CSMD1: variants seen among roughly 807,000 people sequenced by gnomAD.
CSMD1 encodes the protein CUB and Sushi multiple domains 1, also known as CUB and sushi domain-containing protein 1.
A neutral mutation model predicts 417.5 loss-of-function variants in CSMD1; 213 were observed. The observed-to-expected ratio is 0.51, with a 90% CI of 0.46 to 0.57. The LOEUF (loss-of-function observed/expected upper bound fraction) is 0.57. CSMD1 is among the 20% of genes least tolerant of loss of function. The pLI is 0.00. For missense variants in CSMD1, 6,923 were observed against 4,529.7 expected (o/e 1.53, Z -15.17); for synonymous variants, 2,862 against 1,736.8 (o/e 1.65, Z -16.11).
In CSMD1 at chr8:4,488,616, A is replaced by G. The variant is rs554933035; in HGVS notation, c.303-68551T>C. On this transcript the variant is annotated intron_variant, in intron 2 of 69. Coordinates refer to ENST00000635120, the MANE Select transcript of CSMD1 (RefSeq NM_033225.6). ...TCAATTCCTGTGCTTTAACACATCC[A>G]ATCTATAGCAAAATACTCCCTTACA... Among the ~76,000 whole-genome samples, 21 of 152,138 alleles carry G rather than the reference A, an allele frequency of 1.4e-4. No homozygotes were observed. In the East Asian group the frequency reaches 3.9e-3, roughly 28 times the overall value.
intron 1 of CSMD1, among the ~76,000 whole-genome samples, chr8:4,991,701 G>A (rs553489512): frequency 3.9e-5 from 6 of 152,234 alleles, no homozygotes; most frequent in African/African-American, 1.2e-4. Flanking sequence ...CCCGGGGGGA[G>A]GCCCGACCTT....
intron 5 of CSMD1, among the ~76,000 whole-genome samples, chr8:3,940,500 T>A (rs1222928956): frequency 4.4e-5 from 1 of 22,514 alleles, no homozygotes; most frequent in East Asian, 1.0e-3. Context: ...ATTTCCTCTG[T>A]GTGTGTGTGT....
intron 25 of CSMD1, among the ~76,000 whole-genome samples, chr8:3,289,450 A>G (rs1240366342): frequency 1.4e-5 from 2 of 147,368 alleles, no homozygotes; most frequent in African/African-American, 5.4e-5. Flanking sequence ...CAACAGTGTA[A>G]AAGTGTTCCT....
At chr8:4,388,200 C>T (rs898485936) in intron 3 of CSMD1, among the ~76,000 whole-genome samples, 6 of 151,826 alleles carry the variant, frequency 4.0e-5, no homozygotes, top group South Asian at 2.1e-4. Context: ...AGTCATTATA[C>T]GAAAAAGATA....
At chr8:4,362,092 C>T (rs1584957374) in intron 3 of CSMD1, among the ~76,000 whole-genome samples, 1 of 151,988 alleles carries the variant, frequency 6.6e-6, no homozygotes, top group Non-Finnish European at 1.5e-5. Flanking sequence ...AATTGATATA[C>T]AAATGAGAAC....
rs1797516625 is a variant in CSMD1, at chr8:4,425,819, A to T, written c.303-5754T>A. On this transcript the variant is annotated intron_variant, in intron 2 of 69. Transcript: ENST00000635120. ...TTCTGTCATTCATATTTGATGGTCCAGGGTAGTACGGGAATATTTTAGTAT... is the reference window on the plus strand; with the variant it reads ...TTCTGTCATTCATATTTGATGGTCCTGGGTAGTACGGGAATATTTTAGTAT... 1.3e-5 allele frequency among the ~76,000 whole-genome samples: 2 copies of T among 152,158 alleles called. 1 individual carries two copies. The highest frequency in any genetic ancestry group is 4.1e-4 in the South Asian group (2 of 4,836).
In CSMD1 at chr8:3,954,084, C is replaced by A. The variant is rs192884691; in HGVS notation, c.818+43819G>T. 1.4e-4 allele frequency among the ~76,000 whole-genome samples: 22 copies of A among 152,186 alleles called. No homozygotes were observed. The East Asian group carries it at 3.9e-3, about 27-fold the overall frequency. ...CCCGGGACCCCGCCTCTAGGAAGCT[C>A]GTGCAGGGGCCTAGGAACGTGGCCA... is the stretch of plus-strand genomic sequence containing the variant. On this transcript the variant is annotated intron_variant, in intron 5 of 69. Coordinates refer to ENST00000635120, the MANE Select transcript of CSMD1 (RefSeq NM_033225.6).
intron 11 of CSMD1, among the ~76,000 whole-genome samples, chr8:3,479,508 G>C (rs1465538522): frequency 6.6e-6 from 1 of 152,088 alleles, no homozygotes; most frequent in Non-Finnish European, 1.5e-5. Context: ...TTGAACTCCC[G>C]ACCTTAGGTG....
intron 1 of CSMD1, among the ~76,000 whole-genome samples, chr8:4,779,768 G>C (rs1205416656): frequency 6.6e-6 from 1 of 152,162 alleles, no homozygotes; most frequent in African/African-American, 2.4e-5. Context: ...GCGGTTTGCT[G>C]ATGCCAGAGC....
rs114930553 is a variant in CSMD1 at position 4,446,433 on chromosome 8, C to A, written c.303-26368G>T. ...GGTGGTGGTGCACACCTGTAGTCCC[C>A]GCTACTCAGGTGGCTGAGGTGGGAC... On this transcript the variant is annotated intron_variant, in intron 2 of 69. Coordinates refer to ENST00000635120, the MANE Select transcript of CSMD1 (RefSeq NM_033225.6). 8.3e-3 allele frequency among the ~76,000 whole-genome samples: 1,257 copies of A among 152,160 alleles called. 20 individuals are homozygous for A. Among genetic ancestry groups the A allele is most frequent in the African/African-American group, 0.029 (1,200 of 41,506 alleles).
At chr8:4,651,392 T>C (rs1305361071) in intron 1 of CSMD1, among the ~76,000 whole-genome samples, 3 of 152,200 alleles carry the variant, frequency 2.0e-5, no homozygotes, top group African/African-American at 7.2e-5. Context: ...CCTCCACTGC[T>C]GTGCTGTTTC....
In CSMD1 at chr8:3,348,043, G is replaced by A. The variant is rs368141855; in HGVS notation, c.3423C>T (p.Gly1141=). ...IYKIETEAGK[G]IHLRTRSFQL... ...GGAAGCTTCGTGTTCTAAGGTGGAT[G>A]CCCTTGCCGGCTTCTGTTTCTATTT... is the stretch of plus-strand genomic sequence containing the variant. The change falls in exon 22 of 70, where the codon GGC becomes GGT. Residue 1141 remains glycine (G), a synonymous_variant. Transcript: ENST00000635120. 1.2e-6 allele frequency: 2 copies of A among 1,610,242 alleles called. No individual in the cohort carries two copies. Among genetic ancestry groups the A allele is most frequent in the Non-Finnish European group, 1.7e-6 (2 of 1,178,070 alleles).
Position 3,184,717 on chromosome 8 carries a change from G to T in CSMD1, c.5620+3152C>A, listed in dbSNP as rs113510093. 9.7e-3 allele frequency among the ~76,000 whole-genome samples: 1,477 copies of T among 152,302 alleles called. 11 individuals carry two copies. Among genetic ancestry groups the T allele is most frequent in the Middle Eastern group, 0.044 (13 of 294 alleles). On this transcript the variant is annotated intron_variant, in intron 36 of 69. Transcript: ENST00000635120. ...GTGCTTTCAGGACTCATCCTATGGA[G>T]ATGGGGAAATTTAATCTTTACCATG... is the stretch of plus-strand genomic sequence containing the variant.
At chr8:4,113,201 G>A (rs562012879) in intron 3 of CSMD1, among the ~76,000 whole-genome samples, 1 of 151,826 alleles carries the variant, frequency 6.6e-6, no homozygotes, top group African/African-American at 2.4e-5. Flanking sequence ...TTGAAATTCG[G>A]ACAGTTAAAA....
rs190181911 is a variant in CSMD1, at chr8:4,418,667, T to C, written c.415+1286A>G. 3.6e-3 allele frequency among the ~76,000 whole-genome samples: 555 copies of C among 152,332 alleles called. 3 individuals are homozygous for C. The highest frequency in any genetic ancestry group is 0.013 in the African/African-American group (529 of 41,590). On this transcript the variant is annotated intron_variant, in intron 3 of 69. Coordinates refer to ENST00000635120, the MANE Select transcript of CSMD1 (RefSeq NM_033225.6). Reference sequence around the variant, plus strand: ...TTGTAATATTCTGCAAAAAATGAAATGATGTGAATTTAGAGTTTATATGAA... The same window carrying C: ...TTGTAATATTCTGCAAAAAATGAAACGATGTGAATTTAGAGTTTATATGAA...
At chr8:3,444,957 T>C (rs1276663808) in intron 12 of CSMD1, among the ~76,000 whole-genome samples, 1 of 152,170 alleles carries the variant, frequency 6.6e-6, no homozygotes, top group Non-Finnish European at 1.5e-5. Context: ...CCACTAGCTA[T>C]GAAGTCCTCA....
chr8:3,731,488 C>T (rs1796255364), intron 6 of CSMD1, among the ~76,000 whole-genome samples: 1 of 152,174 alleles, frequency 6.6e-6, no homozygotes, highest in East Asian at 1.9e-4. Flanking sequence ...CTTGCCCAGC[C>T]ACTGTTGGAC....
intron 2 of CSMD1, among the ~76,000 whole-genome samples, chr8:4,584,829 C>G (rs1389397431): frequency 6.6e-6 from 1 of 152,130 alleles, no homozygotes; most frequent in African/African-American, 2.4e-5. Flanking sequence ...TGGTGCTTTT[C>G]TAGTTTCTCC....
intron 7 of CSMD1, among the ~76,000 whole-genome samples, chr8:3,620,549 T>A (rs982352559): frequency 5.3e-5 from 8 of 152,162 alleles, no homozygotes; most frequent in African/African-American, 1.9e-4. Context: ...TTGTAAGGAT[T>A]GAAGTTTTCG....
Sources: gnomAD v4.1 joint callset for allele counts (sites outside exome capture counted in the v4.1 genomes callset) on GRCh38, gnomAD v4.1.1 for gene constraint, MANE v1.5 for transcripts, NCBI Gene and HGNC (gene_info 2026-07-23, HGNC 2026-07-21) for gene names.